SNX24: variants seen among roughly 807,000 people sequenced by gnomAD.
The protein encoded by SNX24 is sorting nexin 24, also known as sorting nexin-24.
A neutral mutation model predicts 28.7 loss-of-function variants in SNX24; 22 were observed. The observed-to-expected ratio is 0.77, with a 90% CI of 0.55 to 1.10. The LOEUF is 1.10. SNX24 is among the 50% of genes least tolerant of loss of function. SNX24 has a pLI of 0.00. For missense variants in SNX24, 221 were observed against 201.1 expected (o/e 1.10, Z -0.60); for synonymous variants, 69 against 71.5 (o/e 0.96, Z 0.18).
At chr5:122,852,941 A>G (rs926960352) in intron 1 of SNX24, among the ~76,000 whole-genome samples, 5 of 152,018 alleles carry the variant, frequency 3.3e-5, no homozygotes, top group African/African-American at 9.7e-5. Flanking sequence ...GAAGACCACA[A>G]TTCCACGCCA....
chr5:122,992,776 A>T (rs969873221), intron 3 of SNX24, among the ~76,000 whole-genome samples: 1 of 152,208 alleles, frequency 6.6e-6, no homozygotes, highest in African/African-American at 2.4e-5. Context: ...TGTTGGGCTA[A>T]CCATTGTGTC....
intron 1 of SNX24, among the ~76,000 whole-genome samples, chr5:122,893,871 C>T (rs1302224867): frequency 1.3e-5 from 2 of 152,062 alleles, no homozygotes; most frequent in Admixed American, 6.6e-5. Context: ...TGTTGAAACC[C>T]TGTCTCTACT....
At chr5:122,853,304 T>G (rs1024120366) in intron 1 of SNX24, among the ~76,000 whole-genome samples, 2 of 151,884 alleles carry the variant, frequency 1.3e-5, no homozygotes, top group African/African-American at 2.4e-5. Context: ...TGTTTTGTAT[T>G]TTTTAGTAGA....
intron 1 of SNX24, among the ~76,000 whole-genome samples, chr5:122,882,560 T>TGG (rs1338241885): frequency 6.6e-6 from 1 of 152,228 alleles, no homozygotes; most frequent in Non-Finnish European, 1.5e-5. Flanking sequence ...TGTTCTGTGT[T>TGG]CTGGACCCAC....
At chr5:122,896,456 C>T (rs910415301) in intron 1 of SNX24, among the ~76,000 whole-genome samples, 3 of 152,188 alleles carry the variant, frequency 2.0e-5, no homozygotes, top group Non-Finnish European at 4.4e-5. Flanking sequence ...CTGCAGCTGG[C>T]GAATGCTGTC....
chr5:122,891,499 A>G (rs1756966717), intron 1 of SNX24, among the ~76,000 whole-genome samples: 1 of 152,104 alleles, frequency 6.6e-6, no homozygotes, highest in Non-Finnish European at 1.5e-5. Context: ...AATTTTTTTC[A>G]GTGATGATGT....
intron 1 of SNX24, among the ~76,000 whole-genome samples, chr5:122,925,031 T>C (rs1758621184): frequency 1.7e-5 from 2 of 120,618 alleles, no homozygotes; most frequent in Admixed American, 9.8e-5. Context: ...TCTCCTTCTC[T>C]CCCCACATTC....
At chr5:122,988,283 A>C (rs1211199990) in intron 3 of SNX24, among the ~76,000 whole-genome samples, 3 of 152,202 alleles carry the variant, frequency 2.0e-5, no homozygotes, top group African/African-American at 7.2e-5. Flanking sequence ...ACTAGGGATA[A>C]CCATAGGCAG....
downstream of SNX24, among the ~76,000 whole-genome samples, chr5:123,011,035 C>T (rs913192135): frequency 1.3e-5 from 2 of 152,128 alleles, no homozygotes; most frequent in Non-Finnish European, 1.5e-5. Context: ...ACAGGTTGTG[C>T]ATTGCACAAG....
chr5:123,026,633 G>T (rs1762858587), intron 5 of SNX24, among the ~76,000 whole-genome samples: 1 of 152,176 alleles, frequency 6.6e-6, no homozygotes, highest in African/African-American at 2.4e-5. Context: ...GGAAGTTGTT[G>T]GTCACAGCAA....
At chr5:122,895,846 G>A (rs1757177184) in intron 1 of SNX24, among the ~76,000 whole-genome samples, 1 of 151,900 alleles carries the variant, frequency 6.6e-6, no homozygotes, top group Admixed American at 6.6e-5. Context: ...GTACAGAAAT[G>A]ATACAGAAAT....
intron 1 of SNX24, chr5:122,890,886 G>A: frequency 1.2e-6 from 1 of 851,792 alleles, no homozygotes; most frequent in East Asian, 3.3e-5. Context: ...ATCCTTTTTT[G>A]TACCTTTTCA....
At chr5:122,913,198 C>T (rs1225556116) in intron 1 of SNX24, among the ~76,000 whole-genome samples, 1 of 152,252 alleles carries the variant, frequency 6.6e-6, no homozygotes, top group East Asian at 1.9e-4. Context: ...CCGCCATTGT[C>T]ATCATGGCCG....
intron 1 of SNX24, among the ~76,000 whole-genome samples, chr5:122,874,572 T>C (rs1282574616): frequency 1.3e-5 from 2 of 152,220 alleles, no homozygotes; most frequent in African/African-American, 4.8e-5. Flanking sequence ...TGCTGATCGA[T>C]GTGCGGCATA....
intron 1 of SNX24, among the ~76,000 whole-genome samples, chr5:122,853,203 T>C (rs1755011194): frequency 7.4e-6 from 1 of 134,966 alleles, no homozygotes; most frequent in South Asian, 2.7e-4. Context: ...CTCGGCTCAC[T>C]GCAAGCTCCG....
intron 1 of SNX24, among the ~76,000 whole-genome samples, chr5:122,850,916 A>C (rs1754889462): frequency 1.3e-5 from 2 of 151,982 alleles, no homozygotes; most frequent in Admixed American, 1.3e-4. Flanking sequence ...GAAACCAAGG[A>C]GTGTGAGGCT....
At chr5:122,951,617 A>C (rs1017193843) in intron 3 of SNX24, among the ~76,000 whole-genome samples, 4 of 152,202 alleles carry the variant, frequency 2.6e-5, no homozygotes, top group Non-Finnish European at 4.4e-5. Flanking sequence ...ACTCCACTGA[A>C]ATGAAAGTAC....
chr5:122,906,722 G>T (rs968014030), intron 1 of SNX24, among the ~76,000 whole-genome samples: 8 of 152,310 alleles, frequency 5.3e-5, no homozygotes, highest in Middle Eastern at 6.8e-3. Context: ...TGGCCAGGCT[G>T]GTCTTGAACC....
At position 123,009,092 on chromosome 5, in the gene SNX24, G is replaced by C. The variant is rs1481313818; in HGVS notation, c.*1343G>C. ...TGTACTACATGTGGGAAACAAGCAA[G>C]AACTAAATAATCAAATGTTGTCAAC... is the stretch of plus-strand genomic sequence containing the variant. On this transcript the variant is annotated 3_prime_UTR_variant, in exon 7 of 7. Transcript: ENST00000261369. 1 of 985,518 alleles carries C rather than the reference G, an allele frequency of 1.0e-6. No homozygotes were observed. The highest frequency in any genetic ancestry group is 1.2e-6 in the Non-Finnish European group (1 of 829,742). The allele number at this position is 985,518 out of a possible 1,614,324, so 61.0% of individuals were successfully genotyped here.
Sources: allele counts gnomAD v4.1 joint callset (sites outside exome capture counted in the v4.1 genomes callset), GRCh38; gene constraint gnomAD v4.1.1; transcripts MANE v1.5; gene names NCBI Gene and HGNC (gene_info 2026-07-23, HGNC 2026-07-21).